Variants in ELP4 observed in about 807,000 individuals in gnomAD.
ELP4 encodes elongator acetyltransferase complex subunit 4.
ELP4 carries 51 observed loss-of-function variants against 48.9 expected under a neutral mutation model. The ratio of observed to expected loss-of-function variants is 1.04; its 90% CI spans 0.83 to 1.32. ELP4 has a LOEUF of 1.32. Ranked by LOEUF, ELP4 falls within the 40% of genes most tolerant of loss-of-function variation. The pLI, the probability that ELP4 is intolerant of heterozygous loss-of-function variation, is 0.00. For synonymous variants in ELP4, 210 were observed against 189.2 expected, an observed-to-expected ratio of 1.11 and a Z score of -0.90; for missense variants, 519 against 514.6, an observed-to-expected ratio of 1.01 and a Z score of -0.08.
intron 2 of ELP4, among the ~76,000 whole-genome samples, chr11:31,529,196 T>C (rs146736319): frequency 2.3e-3 from 353 of 152,224 alleles, no homozygotes; most frequent in African/African-American, 8.2e-3. Context: ...ATAGAGTTAG[T>C]GCTCAATAAT....
At chr11:31,756,477 C>G (rs1009660696) in intron 9 of ELP4, among the ~76,000 whole-genome samples, 5 of 152,172 alleles carry the variant, frequency 3.3e-5, no homozygotes, top group African/African-American at 1.2e-4. Context: ...ACTCTAATTT[C>G]CCATCTAACT....
intron 9 of ELP4, among the ~76,000 whole-genome samples, chr11:31,771,746 A>G (rs536780813): frequency 3.3e-5 from 5 of 152,254 alleles, no homozygotes; most frequent in African/African-American, 1.2e-4. Flanking sequence ...TTGGGAGGCC[A>G]AGGCGGGCAG....
At chr11:31,615,253 G>A (rs1432405677) in intron 5 of ELP4, among the ~76,000 whole-genome samples, 1 of 152,054 alleles carries the variant, frequency 6.6e-6, no homozygotes, top group East Asian at 1.9e-4. Flanking sequence ...TTAAATTATG[G>A]TTATGTTTAA....
chr11:31,690,689 G>T (rs1440849680), intron 9 of ELP4, among the ~76,000 whole-genome samples: 1 of 151,258 alleles, frequency 6.6e-6, no homozygotes, highest in Non-Finnish European at 1.5e-5. Context: ...TGAAAATCTT[G>T]CCTCTGGCCA....
chr11:31,667,335 G>A (rs1393236029), intron 9 of ELP4, among the ~76,000 whole-genome samples: 1 of 152,126 alleles, frequency 6.6e-6, no homozygotes, highest in Non-Finnish European at 1.5e-5. Flanking sequence ...TTATGAAGCA[G>A]TAGTATAATC....
At chr11:31,695,832 C>T (rs1946392700) in intron 9 of ELP4, among the ~76,000 whole-genome samples, 3 of 127,574 alleles carry the variant, frequency 2.4e-5, no homozygotes, top group African/African-American at 5.7e-5. Context: ...TTGATTATTG[C>T]CTCAATTTCA....
intron 3 of ELP4, among the ~76,000 whole-genome samples, chr11:31,589,632 GA>G (rs1957536396): frequency 6.6e-6 from 1 of 152,230 alleles, no homozygotes; most frequent in East Asian, 1.9e-4. Context: ...ATATATTTCT[GA>G]AAGATTATAA....
intron 3 of ELP4, among the ~76,000 whole-genome samples, chr11:31,574,822 A>G (rs1304513533): frequency 6.6e-6 from 1 of 152,192 alleles, no homozygotes; most frequent in African/African-American, 2.4e-5. Flanking sequence ...AAAACCACAA[A>G]TATCTGGAGA....
intron 3 of ELP4, among the ~76,000 whole-genome samples, chr11:31,560,735 CATT>C (rs1565053754): frequency 6.7e-6 from 1 of 148,528 alleles, no homozygotes; most frequent in African/African-American, 2.5e-5. Context: ...TATAAAACAA[CATT>C]GTTTTGTATA....
chr11:31,639,031 A>G (rs1368211557), intron 7 of ELP4, among the ~76,000 whole-genome samples: 1 of 151,850 alleles, frequency 6.6e-6, no homozygotes, highest in East Asian at 1.9e-4. Context: ...CTTTATTTCA[A>G]ATGATCTTTT....
chr11:31,573,016 T>G (rs1047525587), intron 3 of ELP4, among the ~76,000 whole-genome samples: 1 of 151,704 alleles, frequency 6.6e-6, no homozygotes, highest in African/African-American at 2.4e-5. Flanking sequence ...TCAAAAAAAG[T>G]AAGGAAGGAG....
intron 9 of ELP4, among the ~76,000 whole-genome samples, chr11:31,748,525 G>A (rs1003700659): frequency 1.3e-5 from 2 of 152,000 alleles, no homozygotes; most frequent in African/African-American, 2.4e-5. Flanking sequence ...GATTACAGGC[G>A]TGAGCCACCA....
At chr11:31,560,684 A>ATTGTTTTATATATATAAAACAACG (rs1957005267) in intron 3 of ELP4, among the ~76,000 whole-genome samples, 1 of 108,802 alleles carries the variant, frequency 9.2e-6, no homozygotes, top group Non-Finnish European at 2.0e-5. Context: ...TAAAGACCAC[A>ATTGTTTTATATATATAAAACAACG]TTGTTTTATA....
At chr11:31,530,459 G>C (rs1298874956) in intron 2 of ELP4, among the ~76,000 whole-genome samples, 1 of 152,096 alleles carries the variant, frequency 6.6e-6, no homozygotes, top group African/African-American at 2.4e-5. Context: ...GTGTACAGTA[G>C]TTTCATGAAG....
chr11:31,771,913 C>G (rs1002013073), intron 9 of ELP4, among the ~76,000 whole-genome samples: 4 of 151,848 alleles, frequency 2.6e-5, no homozygotes, highest in Non-Finnish European at 5.9e-5. Flanking sequence ...ACCCAGGAGG[C>G]GGAGGTTGCA....
intron 3 of ELP4, among the ~76,000 whole-genome samples, chr11:31,554,869 G>A (rs183100358): frequency 2.0e-3 from 305 of 152,240 alleles, no homozygotes; most frequent in African/African-American, 7.0e-3. Context: ...TTATTGCTGA[G>A]ACAAAAACCA....
chr11:31,754,312 A>C (rs1237538015), intron 9 of ELP4, among the ~76,000 whole-genome samples: 2 of 151,870 alleles, frequency 1.3e-5, no homozygotes, highest in East Asian at 3.9e-4. Flanking sequence ...CGTACTATTT[A>C]CTCTGACTTA....
intron 5 of ELP4, among the ~76,000 whole-genome samples, chr11:31,622,211 C>T (rs372243662): frequency 1.3e-5 from 2 of 151,760 alleles, no homozygotes; most frequent in Admixed American, 6.6e-5. Context: ...TTTAAAATCA[C>T]ATGTGCATGA....
intron 9 of ELP4, among the ~76,000 whole-genome samples, chr11:31,656,614 C>T (rs531322667): frequency 7.9e-5 from 12 of 151,786 alleles, no homozygotes; most frequent in South Asian, 2.1e-4. Flanking sequence ...CTAAGTTACT[C>T]AGGAAATTTA....
Sources: allele counts gnomAD v4.1 joint callset (sites outside exome capture counted in the v4.1 genomes callset), GRCh38; gene constraint gnomAD v4.1.1; transcripts MANE v1.5; gene names NCBI Gene and HGNC (gene_info 2026-07-23, HGNC 2026-07-21).